Variants in PCDHA4 observed in about 807,000 individuals in gnomAD.
PCDHA4 encodes the protein protocadherin alpha-4.
PCDHA4 carries 49 observed loss-of-function variants against 61.4 expected under a neutral mutation model. That is an observed-to-expected ratio of 0.80 (90% confidence interval 0.63 to 1.01). PCDHA4 has a LOEUF of 1.01. PCDHA4 is among the 50% of genes least tolerant of loss of function. The pLI is 0.00. For missense variants in PCDHA4, 1,254 were observed against 1,235.8 expected (o/e 1.01, Z -0.22); for synonymous variants, 590 against 550.3 (o/e 1.07, Z -1.01).
intron 3 of PCDHA4, among the ~76,000 whole-genome samples, chr5:140,984,004 A>G (rs1039333145): frequency 6.6e-6 from 1 of 152,196 alleles, no homozygotes; most frequent in Admixed American, 6.5e-5. Context: ...TTAGAGAGCT[A>G]ATATTGCCAG....
chr5:140,875,449 A>T, intron 1 of PCDHA4: 2 of 1,590,426 alleles, frequency 1.3e-6, no homozygotes, highest in Non-Finnish European at 8.6e-7. Flanking sequence ...GATTGTCCCA[A>T]CTCAGAGGCC....
chr5:140,934,709 C>T (rs991669354), intron 1 of PCDHA4, among the ~76,000 whole-genome samples: 2 of 152,084 alleles, frequency 1.3e-5, no homozygotes, highest in Non-Finnish European at 1.5e-5. Flanking sequence ...GGCCATCTTA[C>T]AAAAAGGACC....
At chr5:140,858,594 G>A (rs1554151838) in intron 1 of PCDHA4, 5 of 1,317,532 alleles carry the variant, frequency 3.8e-6, no homozygotes, top group Admixed American at 2.6e-5. Context: ...TTTATTCCAG[G>A]AGTTTTAAAA....
intron 1 of PCDHA4, chr5:140,836,693 G>A: frequency 1.2e-6 from 2 of 1,613,422 alleles, no homozygotes; most frequent in African/African-American, 2.7e-5. Flanking sequence ...CAGACCTCAT[G>A]GCCTTCAGTC....
At position 140,851,351 on chromosome 5, in the gene PCDHA4, G is replaced by A. The variant is rs2042034892; in HGVS notation, c.2385+41779G>A. ...GTAGTTCTCTACATTTCTCTGGATG[G>A]AGACTGTGAACATCTGATTGTTCAG... is the stretch of plus-strand genomic sequence containing the variant. On this transcript the variant is annotated intron_variant, in intron 1 of 3. Coordinates refer to ENST00000530339, the MANE Select transcript of PCDHA4 (RefSeq NM_018907.4). The A allele has an allele frequency of 7.2e-6, 7 of 975,904 alleles. 1 individual carries two copies. Among genetic ancestry groups the A allele is most frequent in the Non-Finnish European group, 8.7e-6 (7 of 803,048 alleles). The allele number at this position is 975,904 out of a possible 1,614,324, so 60.5% of individuals were successfully genotyped here. A position where few individuals can be genotyped will look rare whatever the true frequency, so the allele number is the denominator to read the frequency against.
chr5:140,855,900 C>G, intron 1 of PCDHA4: 1 of 1,079,358 alleles, frequency 9.3e-7, no homozygotes, highest in Non-Finnish European at 1.3e-6. Flanking sequence ...AGGCATCAGC[C>G]AGTTTCTCAA....
Position 140,841,880 on chromosome 5 carries a change from G to A in PCDHA4, c.2385+32308G>A. 2.2e-5 allele frequency: 36 copies of A among 1,613,826 alleles called. 2 individuals are homozygous for A. Among genetic ancestry groups the A allele is most frequent in the Non-Finnish European group, 3.1e-5 (36 of 1,179,824 alleles). ...CATGCTAGATGTGAATTCAAAGAAC[G>A]ATGAGAATAAACTGGTTGAGCTCGT... On this transcript the variant is annotated intron_variant, in intron 1 of 3. Coordinates refer to ENST00000530339, the MANE Select transcript of PCDHA4 (RefSeq NM_018907.4).
intron 1 of PCDHA4, among the ~76,000 whole-genome samples, chr5:140,975,597 T>C (rs2096674133): frequency 6.6e-6 from 1 of 152,242 alleles, no homozygotes; most frequent in Non-Finnish European, 1.5e-5. Context: ...GAGGGCAATT[T>C]GTTGATGTCT....
intron 1 of PCDHA4, chr5:140,876,257 T>A (rs781806447): frequency 6.2e-7 from 1 of 1,614,000 alleles, no homozygotes; most frequent in Non-Finnish European, 8.5e-7. Context: ...ACAAGAGTGA[T>A]CCAACTAAAT....
At chr5:140,985,936 T>C (rs1379150817) in intron 3 of PCDHA4, among the ~76,000 whole-genome samples, 3 of 152,038 alleles carry the variant, frequency 2.0e-5, no homozygotes, top group Non-Finnish European at 2.9e-5. Context: ...AGCCGGGGTT[T>C]CACTGTGTTA....
At chr5:140,946,506 A>G (rs1231345135) in intron 1 of PCDHA4, among the ~76,000 whole-genome samples, 1 of 151,616 alleles carries the variant, frequency 6.6e-6, no homozygotes, top group Non-Finnish European at 1.5e-5. Context: ...CAGTATGTCA[A>G]AGACCTATCC....
chr5:140,980,614 G>T (rs2153822225), intron 2 of PCDHA4, among the ~76,000 whole-genome samples: 1 of 152,088 alleles, frequency 6.6e-6, no homozygotes, highest in Admixed American at 6.5e-5. Context: ...TGGCGACAGT[G>T]CGAGACTCTG....
intron 1 of PCDHA4, among the ~76,000 whole-genome samples, chr5:140,895,873 G>A (rs112324080): frequency 0.13 from 19,058 of 152,088 alleles, 1,272 homozygotes; most frequent in Middle Eastern, 0.19. Context: ...GTGCAATGGC[G>A]CGATCTCGGC....
intron 1 of PCDHA4, among the ~76,000 whole-genome samples, chr5:140,955,453 C>T (rs1372474602): frequency 6.6e-6 from 1 of 152,012 alleles, no homozygotes; most frequent in Admixed American, 6.6e-5. Context: ...TTTATAAGGG[C>T]TTTTTCCTTT....
rs946669637 is a variant in PCDHA4, at chr5:140,923,020, G to C, written c.2386-55929G>C. On this transcript the variant is annotated intron_variant, in intron 1 of 3. Coordinates refer to ENST00000530339, the MANE Select transcript of PCDHA4 (RefSeq NM_018907.4). ...AGAATGGTTGTTGGACTGCAGTTTCGGACTCTATTACTACATGTATAGTAT... is the reference window on the plus strand; with the variant it reads ...AGAATGGTTGTTGGACTGCAGTTTCCGACTCTATTACTACATGTATAGTAT... Among the ~76,000 whole-genome samples the C allele has an allele frequency of 2.0e-5, 3 of 152,230 alleles. No homozygotes were observed. The East Asian group carries it at 5.8e-4, about 29-fold the overall frequency.
Position 140,808,709 on chromosome 5 carries a change from G to A in PCDHA4, c.1522G>A (p.Val508Ile), listed in dbSNP as rs782467255. 2.0e-5 allele frequency: 33 copies of A among 1,612,114 alleles called. No individual in the cohort carries two copies. Among genetic ancestry groups the A allele is most frequent in the Non-Finnish European group, 1.9e-5 (22 of 1,179,820 alleles). The change falls in exon 1 of 4, where the codon GTT becomes ATT. Residue 508 changes from valine (V) to isoleucine (I), a missense_variant. By Grantham distance (29) the Val-to-Ile change is conservative. Coordinates refer to ENST00000530339, the MANE Select transcript of PCDHA4 (RefSeq NM_018907.4). ...RVGERALSSY[V>I]SVHAESGKVY... ...AGGGGAGCGCGCGCTGTCGAGCTAC[G>A]TTTCGGTGCATGCGGAGAGCGGCAA...
At chr5:140,833,108 C>T (rs1340494019) in intron 1 of PCDHA4, among the ~76,000 whole-genome samples, 2 of 152,180 alleles carry the variant, frequency 1.3e-5, no homozygotes, top group African/African-American at 4.8e-5. Context: ...TTTTGACACT[C>T]TTCAAAGTCA....
At chr5:140,938,209 G>C (rs1210350140) in intron 1 of PCDHA4, among the ~76,000 whole-genome samples, 1 of 152,160 alleles carries the variant, frequency 6.6e-6, no homozygotes, top group Admixed American at 6.5e-5. Flanking sequence ...GCCTCCCAAA[G>C]TGCTGGGATT....
intron 1 of PCDHA4, chr5:140,812,217 A>G (rs1562234594): frequency 6.6e-6 from 1 of 151,494 alleles, no homozygotes; most frequent in East Asian, 1.9e-4. Flanking sequence ...CTTTGTTTAG[A>G]TTTTTTATGA....
Sources: allele counts gnomAD v4.1 joint callset (sites outside exome capture counted in the v4.1 genomes callset), GRCh38; gene constraint gnomAD v4.1.1; transcripts MANE v1.5; gene names NCBI Gene and HGNC (gene_info 2026-07-23, HGNC 2026-07-21).